Variants in GLIS3 observed in about 807,000 individuals in gnomAD.
The protein encoded by GLIS3 is GLIS family zinc finger 3, also known as zinc finger protein GLIS3.
GLIS3 carries 53 observed loss-of-function variants against 78.6 expected under a neutral mutation model. That is an observed-to-expected ratio of 0.67 (90% CI 0.54 to 0.85). GLIS3 has a LOEUF of 0.85. Ranked by LOEUF, GLIS3 falls within the 40% of genes least tolerant of loss-of-function variation. The pLI is 0.00. For synonymous variants in GLIS3, 684 were observed against 509.9 expected, an observed-to-expected ratio of 1.34 and a Z score of -4.60; for missense variants, 1,703 against 1,231.1, an observed-to-expected ratio of 1.38 and a Z score of -5.74.
chr9:4,189,540 G>C (rs555345644), intron 2 of GLIS3, among the ~76,000 whole-genome samples: 6 of 152,228 alleles, frequency 3.9e-5, no homozygotes, highest in Non-Finnish European at 7.4e-5. Flanking sequence ...TTCAATTCCT[G>C]GGTATCGTTG....
the GLIS3 span, among the ~76,000 whole-genome samples, chr9:4,421,275 A>G: frequency 6.6e-6 from 1 of 152,202 alleles, no homozygotes; most frequent in Non-Finnish European, 1.5e-5. Context: ...AGGACAGGAA[A>G]GGGGGTCCAT....
chr9:4,217,361 A>T (rs963662386), intron 2 of GLIS3, among the ~76,000 whole-genome samples: 1 of 152,220 alleles, frequency 6.6e-6, no homozygotes, highest in Non-Finnish European at 1.5e-5. Context: ...TTTAGTCTTC[A>T]TCCCAAGTCT....
At chr9:4,465,072 C>A in the GLIS3 span, among the ~76,000 whole-genome samples, 1 of 152,240 alleles carries the variant, frequency 6.6e-6, no homozygotes, top group Non-Finnish European at 1.5e-5. Flanking sequence ...TATTTGCATA[C>A]TTAACCTACA....
intron 9 of GLIS3, among the ~76,000 whole-genome samples, chr9:3,837,483 GC>G (rs1223195383): frequency 6.6e-6 from 1 of 152,142 alleles, no homozygotes; most frequent in Non-Finnish European, 1.5e-5. Flanking sequence ...GTTTATAGTA[GC>G]ATTATTCATC....
intron 2 of GLIS3, among the ~76,000 whole-genome samples, chr9:4,196,925 G>T (rs73398428): frequency 0.022 from 3,368 of 152,200 alleles, 135 homozygotes; most frequent in African/African-American, 0.077. Flanking sequence ...GTGCAGTAGG[G>T]CCCTCTCCGC....
At chr9:4,389,205 A>G in the GLIS3 span, among the ~76,000 whole-genome samples, 1 of 152,200 alleles carries the variant, frequency 6.6e-6, no homozygotes, top group Non-Finnish European at 1.5e-5. Context: ...TAACTTGTCC[A>G]AAGTTGCACA....
At chr9:4,228,860 T>A (rs1563792421) in intron 2 of GLIS3, among the ~76,000 whole-genome samples, 1 of 152,216 alleles carries the variant, frequency 6.6e-6, no homozygotes, top group African/African-American at 2.4e-5. Context: ...TCTCTGAGTA[T>A]GAAGTTTCAA....
At chr9:3,978,696 TAC>T (rs1818990892) in intron 4 of GLIS3, among the ~76,000 whole-genome samples, 1 of 152,022 alleles carries the variant, frequency 6.6e-6, no homozygotes, top group South Asian at 2.1e-4. Context: ...GTATGTATTA[TAC>T]ACACACACTA....
At chr9:4,468,917 G>C in the GLIS3 span, among the ~76,000 whole-genome samples, 1 of 152,072 alleles carries the variant, frequency 6.6e-6, no homozygotes, top group African/African-American at 2.4e-5. Context: ...ACACATATAG[G>C]CTCAAAATAA....
chr9:4,260,468 G>A (rs1313425226), intron 2 of GLIS3, among the ~76,000 whole-genome samples: 1 of 151,788 alleles, frequency 6.6e-6, no homozygotes. Context: ...TCGGGAGGCT[G>A]AGGCAGGAGA....
the GLIS3 span, among the ~76,000 whole-genome samples, chr9:4,447,699 AT>A: frequency 6.6e-6 from 1 of 151,854 alleles, no homozygotes; most frequent in Non-Finnish European, 1.5e-5. Context: ...AGATGCTGAA[AT>A]TTTTTCTCCA....
At chr9:4,138,762 T>A (rs754058422) in intron 2 of GLIS3, among the ~76,000 whole-genome samples, 2 of 152,056 alleles carry the variant, frequency 1.3e-5, no homozygotes, top group Non-Finnish European at 2.9e-5. Context: ...CTGTTTGGAG[T>A]ATGAAATAAG....
intron 2 of GLIS3, among the ~76,000 whole-genome samples, chr9:4,248,143 G>C (rs1240721435): frequency 6.6e-6 from 1 of 152,044 alleles, no homozygotes; most frequent in African/African-American, 2.4e-5. Flanking sequence ...GAACGTCCAG[G>C]CTTGTTACAT....
chr9:4,150,789 A>G (rs924042934), intron 2 of GLIS3, among the ~76,000 whole-genome samples: 1 of 152,196 alleles, frequency 6.6e-6, no homozygotes, highest in Non-Finnish European at 1.5e-5. Context: ...CCAGAGATGT[A>G]AAGTGACTTT....
At chr9:4,026,286 T>A (rs573384) in intron 4 of GLIS3, among the ~76,000 whole-genome samples, 17,387 of 152,174 alleles carry the variant, frequency 0.11, 2,323 homozygotes, top group African/African-American at 0.33. Flanking sequence ...GTCTCAATCA[T>A]CAAGTCATAT....
intron 2 of GLIS3, among the ~76,000 whole-genome samples, chr9:4,216,508 GAAAAAGA>G (rs1820859807): frequency 1.5e-5 from 2 of 136,414 alleles, no homozygotes; most frequent in Non-Finnish European, 3.2e-5. Flanking sequence ...GAAAAGAAAA[GAAAAAGA>G]AAAAAAAAAA....
At chr9:3,851,734 C>G (rs944846021) in intron 9 of GLIS3, among the ~76,000 whole-genome samples, 2 of 151,714 alleles carry the variant, frequency 1.3e-5, no homozygotes, top group Non-Finnish European at 2.9e-5. Context: ...CCCTTCATAG[C>G]TCTCTGTAAT....
chr9:4,000,006 T>C (rs1051869298), intron 4 of GLIS3, among the ~76,000 whole-genome samples: 36 of 152,166 alleles, frequency 2.4e-4, no homozygotes, highest in Admixed American at 6.6e-5. Context: ...CTCGTACATA[T>C]GCTTCCAGTA....
chr9:4,152,832 G>A (rs1257812658), intron 2 of GLIS3, among the ~76,000 whole-genome samples: 1 of 152,148 alleles, frequency 6.6e-6, no homozygotes, highest in Non-Finnish European at 1.5e-5. Flanking sequence ...CATGTAATAT[G>A]AAGAAAACTA....
Sources: gnomAD v4.1 joint callset for allele counts (sites outside exome capture counted in the v4.1 genomes callset) on GRCh38, gnomAD v4.1.1 for gene constraint, MANE v1.5 for transcripts, NCBI Gene and HGNC (gene_info 2026-07-23, HGNC 2026-07-21) for gene names.